Variants in PCSK6 observed in about 807,000 individuals in gnomAD.
PCSK6 encodes the protein proprotein convertase subtilisin/kexin type 6.
PCSK6 carries 85 observed loss-of-function variants against 123.3 expected under a neutral mutation model. The ratio of observed to expected loss-of-function variants is 0.69; its 90% CI spans 0.58 to 0.83. PCSK6 has a LOEUF of 0.83. Ranked by LOEUF, PCSK6 falls within the 40% of genes least tolerant of loss-of-function variation. The probability of loss-of-function intolerance (pLI) is 0.00; values close to 1 mark genes in which losing one functional copy is unlikely to be tolerated. For missense variants in PCSK6, 1,191 were observed against 1,282.3 expected, an observed-to-expected ratio of 0.93 and a Z score of 1.09; for synonymous variants, 508 against 516.0, an observed-to-expected ratio of 0.98 and a Z score of 0.21.
At chr15:101,381,299 G>C (rs1248614853) in intron 11 of PCSK6, among the ~76,000 whole-genome samples, 2 of 152,172 alleles carry the variant, frequency 1.3e-5, no homozygotes, top group Non-Finnish European at 2.9e-5. Context: ...AGGAGGCAGA[G>C]GTTGCAGTGA....
In PCSK6 at chr15:101,385,105, C is replaced by T. The variant is rs957276223; in HGVS notation, c.1311-680G>A. Among the ~76,000 whole-genome samples the T allele has an allele frequency of 3.9e-5, 6 of 152,218 alleles. No individual in the cohort carries two copies. In the East Asian group the frequency reaches 1.2e-3, roughly 29 times the overall value. On this transcript the variant is annotated intron_variant, in intron 9 of 21. Coordinates refer to ENST00000611716, the MANE Select transcript of PCSK6 (RefSeq NM_002570.5). Reference sequence around the variant, plus strand: ...GATCTTGGCTCACTGCAACCCCGACCTCCTGGGCTCAAGCAGTCTTCCTAC... The same window carrying T: ...GATCTTGGCTCACTGCAACCCCGACTTCCTGGGCTCAAGCAGTCTTCCTAC...
rs1404910626 is a variant in PCSK6, at chr15:101,401,947, A to G, written c.824-3371T>C. On this transcript the variant is annotated intron_variant, in intron 6 of 21. Transcript: ENST00000611716. The stretch of plus-strand genomic sequence containing the variant: ...TAAAGTTCATATGGAACCAAAAAAG[A>G]GCCCACATTGCCAAGTCAATCCTAA... Among the ~76,000 whole-genome samples, 7 of 152,220 alleles carry G rather than the reference A, an allele frequency of 4.6e-5. No individual in the cohort carries two copies. The East Asian group carries it at 1.3e-3, about 29-fold the overall frequency.
intron 13 of PCSK6, among the ~76,000 whole-genome samples, chr15:101,362,241 C>A (rs924655723): frequency 1.3e-5 from 2 of 152,174 alleles, no homozygotes; most frequent in Non-Finnish European, 2.9e-5. Context: ...CAGGCATGAG[C>A]CACCATGCCC....
chr15:101,384,304 A>G lies in PCSK6; in HGVS notation c.1414+18T>C, dbSNP rs1417394168. On this transcript the variant is annotated intron_variant, in intron 10 of 21. Transcript: ENST00000611716. ...TTCCAGGGCCACCCAATGGTCCACC[A>G]GAACGCCACTGCCGCACCTTTATGA... 8 of 1,612,330 alleles carry G rather than the reference A, an allele frequency of 5.0e-6. No individual in the cohort carries two copies. The Admixed American group carries it at 1.0e-4, about 20-fold the overall frequency.
chr15:101,370,351 G>A lies in PCSK6; in HGVS notation c.1705C>T (p.Gln569Ter). Residue 569 changes from glutamine to a stop codon, truncating the protein, a stop_gained, in exon 12 of 22, where the codon CAA (glutamine) becomes TAA (stop). Coordinates refer to ENST00000611716, the MANE Select transcript of PCSK6 (RefSeq NM_002570.5). LOFTEE classifies it high-confidence loss of function. ...TCGCCTTACCTCTTTGCCAGAAGTT[G>A]AGACTTGGTTCCCGAGGGAGAAACC... ...YLVSPSGTKS[Q>*]LLAKRLLDLS... 1 of 1,547,216 alleles carries A rather than the reference G, an allele frequency of 6.5e-7. No homozygotes were observed. The highest frequency in any genetic ancestry group is 8.7e-7 in the Non-Finnish European group (1 of 1,144,762).
chr15:101,314,194 G>T (rs546610132), intron 19 of PCSK6, among the ~76,000 whole-genome samples: 15 of 152,134 alleles, frequency 9.9e-5, no homozygotes, highest in Non-Finnish European at 2.1e-4. Flanking sequence ...GGAGAGACTC[G>T]AAGACACAAC....
chr15:101,364,266 G>A (rs1218147588), intron 13 of PCSK6, among the ~76,000 whole-genome samples: 46 of 152,122 alleles, frequency 3.0e-4, no homozygotes, highest in Admixed American at 2.9e-3. Context: ...GAGGAAACTC[G>A]CCCATAGAAA....
intron 1 of PCSK6, among the ~76,000 whole-genome samples, chr15:101,489,057 C>A (rs1453432224): frequency 6.7e-6 from 1 of 149,704 alleles, no homozygotes; most frequent in Non-Finnish European, 1.5e-5. Context: ...CGCGCCGCCC[C>A]GGCTTCTGAG....
intron 18 of PCSK6, 69 bp downstream of exon 18, chr15:101,322,450 TG>T: frequency 8.5e-6 from 9 of 1,062,796 alleles, no homozygotes; most frequent in Non-Finnish European, 1.3e-5. Context: ...TGCACCAACG[TG>T]GTAAATCCAT....
At chr15:101,347,107 G>A (rs1477359717) in intron 13 of PCSK6, 2 of 1,231,732 alleles carry the variant, frequency 1.6e-6, no homozygotes, top group Non-Finnish European at 2.0e-6. Context: ...AAGGAAGTGG[G>A]AGTGATACTC....
intron 6 of PCSK6, among the ~76,000 whole-genome samples, chr15:101,408,662 C>T (rs58021012): frequency 7.2e-5 from 11 of 152,176 alleles, no homozygotes; most frequent in African/African-American, 2.7e-4. Context: ...TTCACCAAAT[C>T]CCCCCAAGCC....
At chr15:101,347,682 G>C (rs1402745051) in intron 13 of PCSK6, 1 of 1,602,796 alleles carries the variant, frequency 6.2e-7, no homozygotes. Context: ...TCTAAATGTG[G>C]TGGCTTTGGT....
At chr15:101,457,481 T>A (rs1479094116) in intron 1 of PCSK6, among the ~76,000 whole-genome samples, 1 of 151,850 alleles carries the variant, frequency 6.6e-6, no homozygotes, top group South Asian at 2.1e-4. Context: ...GTCAGCTGGG[T>A]TTTTTCATAG....
chr15:101,375,353 C>T (rs901545972), intron 11 of PCSK6, among the ~76,000 whole-genome samples: 2 of 152,238 alleles, frequency 1.3e-5, no homozygotes, highest in Admixed American at 1.3e-4. Flanking sequence ...TTACACAATG[C>T]CGTCCACAGT....
At position 101,366,273 on chromosome 15, in the gene PCSK6, C is replaced by T; in HGVS notation, c.1781G>A (p.Trp594Ter). ...TNWEFMTVHC[W>*]GEKAEGQWTL... ...CCACTGCCCTTCAGCCTTTTCTCCC[C>T]AGCAGTGGACAGTCATGAATTCCCA... The change falls in exon 13 of 22, where the codon TGG (tryptophan) becomes TAG (stop). Residue 594 changes from tryptophan (W) to a stop codon, truncating the protein, a stop_gained. Transcript: ENST00000611716. LOFTEE classifies it high-confidence loss of function. 1.2e-6 allele frequency: 2 copies of T among 1,613,700 alleles called. No individual in the cohort carries two copies. The highest frequency in any genetic ancestry group is 1.7e-6 in the Non-Finnish European group (2 of 1,179,754).
chr15:101,359,613 G>A (rs1010883222), intron 13 of PCSK6, among the ~76,000 whole-genome samples: 4 of 152,280 alleles, frequency 2.6e-5, no homozygotes, highest in African/African-American at 9.6e-5. Context: ...CTAAGGCCAA[G>A]GCCAGAGCTG....
At chr15:101,458,103 C>G (rs1237118896) in intron 1 of PCSK6, among the ~76,000 whole-genome samples, 1 of 152,222 alleles carries the variant, frequency 6.6e-6, no homozygotes, top group Non-Finnish European at 1.5e-5. Context: ...TCGTCCTGCT[C>G]TCTCAGAGGT....
intron 2 of PCSK6, among the ~76,000 whole-genome samples, chr15:101,440,091 G>A (rs898283329): frequency 3.3e-5 from 5 of 152,194 alleles, no homozygotes; most frequent in Non-Finnish European, 5.9e-5. Context: ...GTGATTGGTC[G>A]ACGCTTCTGT....
intron 13 of PCSK6, among the ~76,000 whole-genome samples, chr15:101,348,569 C>T (rs2141404050): frequency 6.6e-6 from 1 of 152,272 alleles, no homozygotes; most frequent in South Asian, 2.1e-4. Flanking sequence ...CAAGGAAGCT[C>T]AATATCAAGA....
Sources: allele counts gnomAD v4.1 joint callset (sites outside exome capture counted in the v4.1 genomes callset), GRCh38; gene constraint gnomAD v4.1.1; transcripts MANE v1.5; gene names NCBI Gene and HGNC (gene_info 2026-07-23, HGNC 2026-07-21).